The following EDDM13 variants were observed in gnomAD, a reference collection of about 807,000 sequenced individuals.
EDDM13 encodes epididymal protein 13.
A neutral mutation model predicts 17.8 loss-of-function variants in EDDM13; 24 were observed. That is an observed-to-expected ratio of 1.35 (90% confidence interval 0.98 to 1.90). The LOEUF is 1.90. Ranked by LOEUF, EDDM13 falls within the 40% of genes most tolerant of loss-of-function variation. EDDM13 has a pLI of 0.00. For missense variants in EDDM13, 97 were observed against 100.8 expected (o/e 0.96, Z 0.16); for synonymous variants, 31 against 37.5 (o/e 0.83, Z 0.63).
intron 14 of EDDM13, among the ~76,000 whole-genome samples, chr19:56,307,316 T>G (rs2040756811): frequency 6.6e-6 from 1 of 152,186 alleles, no homozygotes; most frequent in Admixed American, 6.5e-5. Flanking sequence ...CACCCCCTGC[T>G]GCAGTCCTGC....
At chr19:56,297,570 C>T (rs2039962593) in intron 12 of EDDM13, 39 bp downstream of exon 12, 1 of 969,552 alleles carries the variant, frequency 1.0e-6, no homozygotes, top group East Asian at 1.1e-4. Flanking sequence ...ATCTATAAGA[C>T]AGTGTGTCCC....
intron 2 of EDDM13, among the ~76,000 whole-genome samples, chr19:56,279,281 CT>C (rs754688061): frequency 1.3e-5 from 2 of 151,900 alleles, no homozygotes; most frequent in East Asian, 3.9e-4. Context: ...AAAAAGATCT[CT>C]TTTTTTTCCA....
intron 4 of EDDM13, chr19:56,283,555 T>C (rs1361443295): frequency 1.3e-5 from 2 of 152,122 alleles, no homozygotes; most frequent in Admixed American, 6.5e-5. Context: ...GAGAAAGGTG[T>C]TGCGAGCTCC....
At position 56,289,903 on chromosome 19, in the gene EDDM13, C is replaced by G. The variant is rs568148898; in HGVS notation, c.227-938C>G. ...TGCTGGGATTACAGGCAGGAGCCAC[C>G]ACTTCTGACCCTCACAAATGTTTCT... On this transcript the variant is annotated intron_variant, in intron 8 of 14. Transcript: ENST00000649256. Among the ~76,000 whole-genome samples, 3 of 152,296 alleles carry G rather than the reference C, an allele frequency of 2.0e-5. No homozygotes were observed. The East Asian group carries it at 5.8e-4, about 29-fold the overall frequency.
intron 11 of EDDM13, among the ~76,000 whole-genome samples, chr19:56,296,961 C>T (rs1306354458): frequency 1.3e-5 from 2 of 151,962 alleles, no homozygotes; most frequent in South Asian, 2.1e-4. Context: ...CCTAGCTACT[C>T]GGGAGGTTGA....
chr19:56,276,177 G>A (rs1303811650), intron 2 of EDDM13, among the ~76,000 whole-genome samples, 68 bp downstream of exon 2: 1 of 152,166 alleles, frequency 6.6e-6, no homozygotes, highest in Non-Finnish European at 1.5e-5. Flanking sequence ...TTTCGATCTT[G>A]CAACCTCTCT....
intron 13 of EDDM13, among the ~76,000 whole-genome samples, chr19:56,303,240 G>A (rs1443967553): frequency 6.6e-6 from 1 of 152,168 alleles, no homozygotes; most frequent in Non-Finnish European, 1.5e-5. Context: ...AGCACTGTGG[G>A]AGGCTGAGGC....
chr19:56,308,095 G>A (rs1047811422), intron 14 of EDDM13, among the ~76,000 whole-genome samples: 8 of 152,148 alleles, frequency 5.3e-5, no homozygotes, highest in South Asian at 2.1e-4. Flanking sequence ...GCGCAGTGGC[G>A]CAATCTTGGC....
chr19:56,309,174 T>C (rs1055565356), intron 14 of EDDM13, among the ~76,000 whole-genome samples: 1 of 152,214 alleles, frequency 6.6e-6, no homozygotes, highest in African/African-American at 2.4e-5. Flanking sequence ...TTGAAAACAC[T>C]GTGCTGAGTG....
Position 56,284,726 on chromosome 19 carries a change from C to A in EDDM13, c.128-272C>A, listed in dbSNP as rs560236307. On this transcript the variant is annotated intron_variant, in intron 5 of 14. Coordinates refer to ENST00000649256, the MANE Select transcript of EDDM13 (RefSeq NM_001354658.2). ...AATGGGTTTGGCCATGTTGTCCAGG[C>A]TGGTCTTGAACTCCTGACCTCAGGT... Among the ~76,000 whole-genome samples, 20 of 152,100 alleles carry A rather than the reference C, an allele frequency of 1.3e-4. No homozygotes were observed. The South Asian group carries it at 4.2e-3, about 32-fold the overall frequency.
chr19:56,296,538 G>A (rs1167508640), intron 11 of EDDM13, 176 bp downstream of exon 11: 1 of 152,180 alleles, frequency 6.6e-6, no homozygotes, highest in African/African-American at 2.4e-5. Context: ...GATATTAACT[G>A]ATGTTAGCTC....
chr19:56,302,201 C>A, intron 13 of EDDM13, 106 bp downstream of exon 13: 1 of 748,974 alleles, frequency 1.3e-6, no homozygotes, highest in Non-Finnish European at 1.8e-6. Flanking sequence ...AGGTGCCAAG[C>A]AGGAAGTGGT....
chr19:56,284,048 C>A, intron 4 of EDDM13, 150 bp from the exon 5 acceptor site: 1 of 320,196 alleles, frequency 3.1e-6, no homozygotes, highest in Non-Finnish European at 4.5e-6. Flanking sequence ...GTGGATTCTA[C>A]TTCCCAATCT....
Position 56,281,699 on chromosome 19 carries a change from G to C in EDDM13, c.109+1G>C. 1.0e-6 allele frequency: 1 copy of C among 985,320 alleles called. No homozygotes were observed. Among genetic ancestry groups the C allele is most frequent in the South Asian group, 4.7e-5 (1 of 21,286 alleles). 61.0% of individuals were successfully genotyped at this position (985,320 alleles called of 1,614,324 possible). A position where few individuals can be genotyped will look rare whatever the true frequency, so the allele number is the denominator to read the frequency against. ...GCTCTGCTGCCCCTTCCAGTCAACTGTAAGTCATATCTCCTTCTCCCTACA... is the reference window on the plus strand; with the variant it reads ...GCTCTGCTGCCCCTTCCAGTCAACTCTAAGTCATATCTCCTTCTCCCTACA... On this transcript the variant is annotated splice_donor_variant, in intron 3 of 14. Coordinates refer to ENST00000649256, the MANE Select transcript of EDDM13 (RefSeq NM_001354658.2). LOFTEE classifies it high-confidence loss of function.
chr19:56,308,717 C>T (rs1027842897), intron 14 of EDDM13, among the ~76,000 whole-genome samples: 2 of 151,988 alleles, frequency 1.3e-5, no homozygotes, highest in East Asian at 3.9e-4. Context: ...TCTCTGTCTA[C>T]CTAGAAAAGT....
At chr19:56,284,513 A>ATTTTTTTTTTTTTT in intron 5 of EDDM13, among the ~76,000 whole-genome samples, 1 of 118,318 alleles carries the variant, frequency 8.5e-6, no homozygotes, top group Non-Finnish European at 1.7e-5. Flanking sequence ...GCTTGCTGTA[A>ATTTTTTTTTTTTTT]TTTTTTTTTT....
chr19:56,301,100 G>A (rs2040199630), intron 12 of EDDM13, among the ~76,000 whole-genome samples: 1 of 152,054 alleles, frequency 6.6e-6, no homozygotes, highest in Non-Finnish European at 1.5e-5. Flanking sequence ...CCCCAGAGAG[G>A]GTTCTTGAAT....
intron 13 of EDDM13, among the ~76,000 whole-genome samples, chr19:56,303,747 C>T (rs1193159645): frequency 6.6e-6 from 1 of 152,144 alleles, no homozygotes; most frequent in Non-Finnish European, 1.5e-5. Context: ...CTCCAAAAAA[C>T]ATGAACTAAA....
chr19:56,304,475 A>T (rs1568730439), intron 13 of EDDM13, among the ~76,000 whole-genome samples: 1 of 152,230 alleles, frequency 6.6e-6, no homozygotes, highest in Non-Finnish European at 1.5e-5. Flanking sequence ...CATACGGCCC[A>T]GGACAACACG....
Sources: gnomAD v4.1 joint callset for allele counts (sites outside exome capture counted in the v4.1 genomes callset) on GRCh38, gnomAD v4.1.1 for gene constraint, MANE v1.5 for transcripts, NCBI Gene and HGNC (gene_info 2026-07-23, HGNC 2026-07-21) for gene names.